Variants in PTPRD observed in about 807,000 individuals in gnomAD.
PTPRD encodes the protein receptor-type tyrosine-protein phosphatase delta.
In PTPRD, 34 loss-of-function variants were observed where a neutral mutation model predicts 214.5. The observed-to-expected ratio is 0.16, with a 90% confidence interval of 0.12 to 0.21. PTPRD has a LOEUF of 0.21. Among genes scored for constraint, PTPRD ranks in the 10% least tolerant of loss-of-function variants. The probability of loss-of-function intolerance (pLI) is 1.00; values close to 1 mark genes in which losing one functional copy is unlikely to be tolerated. For missense variants in PTPRD, 2,545 were observed against 2,398.7 expected (o/e 1.06, Z -1.27); for synonymous variants, 1,128 against 845.7 (o/e 1.33, Z -5.79).
intron 14 of PTPRD, among the ~76,000 whole-genome samples, chr9:8,579,972 T>C (rs1358947448): frequency 1.3e-5 from 2 of 152,138 alleles, no homozygotes; most frequent in African/African-American, 4.8e-5. Context: ...CATGATCAGA[T>C]TTCACTCCTG....
intron 11 of PTPRD, among the ~76,000 whole-genome samples, chr9:8,827,044 A>G (rs1330486001): frequency 6.6e-6 from 1 of 151,960 alleles, no homozygotes; most frequent in Non-Finnish European, 1.5e-5. Context: ...ACACACACAC[A>G]TATAACACAC....
intron 43 of PTPRD, among the ~76,000 whole-genome samples, chr9:8,335,591 G>A (rs921932634): frequency 2.0e-5 from 3 of 152,170 alleles, no homozygotes; most frequent in Non-Finnish European, 2.9e-5. Context: ...ACAAGACAGG[G>A]ATGCCCTCTC....
intron 2 of PTPRD, among the ~76,000 whole-genome samples, chr9:10,546,180 A>G (rs1475245131): frequency 1.3e-5 from 2 of 151,820 alleles, no homozygotes; most frequent in East Asian, 3.9e-4. Flanking sequence ...CAGACCCATA[A>G]ACAAATTACA....
At chr9:9,478,654 T>C (rs2095239075) in intron 8 of PTPRD, among the ~76,000 whole-genome samples, 2 of 152,198 alleles carry the variant, frequency 1.3e-5, no homozygotes, top group Admixed American at 1.3e-4. Flanking sequence ...TTTGTAAGTG[T>C]TAATGCCAAC....
Position 9,537,238 on chromosome 9 carries a change from AT to A in PTPRD, c.-237+37493del, listed in dbSNP as rs570205030. On this transcript the variant is annotated intron_variant, in intron 8 of 45. Coordinates refer to ENST00000381196, the MANE Select transcript of PTPRD (RefSeq NM_002839.4). ...GTATGATATAAATAAGATTCTTTTC[AT>A]TTTTTTTATTTTTATAGAAAAAAAC... Among the ~76,000 whole-genome samples, 86 of 151,780 alleles carry A rather than the reference AT, an allele frequency of 5.7e-4. 1 individual carries two copies. The highest frequency in any genetic ancestry group is 3.4e-3 in the Middle Eastern group (1 of 294).
At chr9:10,346,112 T>C (rs1406210414) in intron 2 of PTPRD, among the ~76,000 whole-genome samples, 1 of 152,206 alleles carries the variant, frequency 6.6e-6, no homozygotes, top group Non-Finnish European at 1.5e-5. Flanking sequence ...CAAGCAGTGA[T>C]AGTATTTGAA....
chr9:10,235,190 T>A (rs1376968645), intron 3 of PTPRD, among the ~76,000 whole-genome samples: 1 of 151,994 alleles, frequency 6.6e-6, no homozygotes, highest in Non-Finnish European at 1.5e-5. Flanking sequence ...GAATGTTAAT[T>A]TAATCAATTA....
At chr9:10,477,810 A>G (rs2099072905) in intron 2 of PTPRD, among the ~76,000 whole-genome samples, 1 of 152,176 alleles carries the variant, frequency 6.6e-6, no homozygotes, top group Non-Finnish European at 1.5e-5. Flanking sequence ...ATAAAAAAGG[A>G]TGAGTTCATG....
At chr9:9,848,539 T>A (rs551565194) in intron 5 of PTPRD, among the ~76,000 whole-genome samples, 10 of 152,122 alleles carry the variant, frequency 6.6e-5, no homozygotes, top group Non-Finnish European at 1.5e-4. Flanking sequence ...ACTTTAAGAA[T>A]TGAAGACCTT....
At chr9:10,462,944 A>C (rs1172908248) in intron 2 of PTPRD, among the ~76,000 whole-genome samples, 4 of 150,196 alleles carry the variant, frequency 2.7e-5, no homozygotes, top group African/African-American at 9.7e-5. Flanking sequence ...TTTTCCAGAG[A>C]GTGTGTATAT....
intron 8 of PTPRD, among the ~76,000 whole-genome samples, chr9:9,447,445 T>C (rs986457017): frequency 6.6e-6 from 1 of 151,968 alleles, no homozygotes; most frequent in East Asian, 1.9e-4. Context: ...TTCTCACTTA[T>C]ATGTAGAAGT....
intron 4 of PTPRD, among the ~76,000 whole-genome samples, chr9:9,995,483 G>T (rs1477279874): frequency 6.6e-6 from 1 of 152,164 alleles, no homozygotes; most frequent in Admixed American, 6.5e-5. Flanking sequence ...ACGGACATAT[G>T]TGCTACTTTT....
At chr9:10,140,561 T>A (rs1412814713) in intron 3 of PTPRD, among the ~76,000 whole-genome samples, 1 of 152,042 alleles carries the variant, frequency 6.6e-6, no homozygotes, top group Non-Finnish European at 1.5e-5. Flanking sequence ...AGGAGTTGAA[T>A]CTCTGAATAG....
chr9:9,741,518 C>T (rs1596465936), intron 6 of PTPRD, among the ~76,000 whole-genome samples: 1 of 151,906 alleles, frequency 6.6e-6, no homozygotes, highest in East Asian at 1.9e-4. Flanking sequence ...AGGTTTGTTA[C>T]ATAGGTATAC....
At chr9:10,601,020 G>C (rs2133354161) in intron 2 of PTPRD, among the ~76,000 whole-genome samples, 1 of 151,728 alleles carries the variant, frequency 6.6e-6, no homozygotes, top group Non-Finnish European at 1.5e-5. Context: ...AAATTCTACA[G>C]GGGAAAATAG....
At chr9:9,125,563 T>C (rs918036626) in intron 10 of PTPRD, among the ~76,000 whole-genome samples, 4 of 152,178 alleles carry the variant, frequency 2.6e-5, no homozygotes, top group Admixed American at 2.0e-4. Flanking sequence ...CCTTTTATAT[T>C]AGTTTCACAA....
At chr9:10,477,983 TG>T (rs1178805833) in intron 2 of PTPRD, among the ~76,000 whole-genome samples, 4 of 142,522 alleles carry the variant, frequency 2.8e-5, no homozygotes, top group Non-Finnish European at 1.5e-5. Flanking sequence ...TGTCAGGGGA[TG>T]GGGGACAAGG....
rs35140958 is a variant in PTPRD at position 10,188,575 on chromosome 9, C to CTTT, written c.-545+152385_-545+152387dup. ...TGTATAACACTTAGATAAATAGTATCTTTTTTTTTTTTACAAATAAAACTG... is the reference window on the plus strand; with the variant it reads ...TGTATAACACTTAGATAAATAGTATCTTTTTTTTTTTTTTTACAAATAAAACTG... On this transcript the variant is annotated intron_variant, in intron 3 of 45. Coordinates refer to ENST00000381196, the MANE Select transcript of PTPRD (RefSeq NM_002839.4). Among the ~76,000 whole-genome samples the CTTT allele has an allele frequency of 1.3e-3, 189 of 143,724 alleles. 6 individuals are homozygous for CTTT. The South Asian group carries it at 0.039, about 30-fold the overall frequency. 94.3% of individuals were successfully genotyped at this position (143,724 alleles called of 152,430 possible).
intron 2 of PTPRD, among the ~76,000 whole-genome samples, chr9:10,460,261 G>C (rs765513955): frequency 1.1e-4 from 16 of 151,992 alleles, no homozygotes; most frequent in Non-Finnish European, 1.9e-4. Flanking sequence ...GCTATTCCAT[G>C]CTTATGGATC....
Sources: allele counts gnomAD v4.1 joint callset (sites outside exome capture counted in the v4.1 genomes callset), GRCh38; gene constraint gnomAD v4.1.1; transcripts MANE v1.5; gene names NCBI Gene and HGNC (gene_info 2026-07-23, HGNC 2026-07-21).